The following PIK3R3 variants were observed in gnomAD, a reference collection of about 807,000 sequenced individuals.
The protein encoded by PIK3R3 is phosphatidylinositol 3-kinase regulatory subunit gamma.
PIK3R3 carries 64 observed loss-of-function variants against 62.9 expected under a neutral mutation model. The observed-to-expected ratio is 1.02, with a 90% confidence interval of 0.83 to 1.25. The LOEUF (loss-of-function observed/expected upper bound fraction) is 1.25, where lower values mean the gene tolerates loss of function less well. Ranked by LOEUF, PIK3R3 falls within the 50% of genes most tolerant of loss-of-function variation. The pLI is 0.00. For missense variants in PIK3R3, 614 were observed against 561.6 expected (o/e 1.09, Z -0.94); for synonymous variants, 165 against 189.0 (o/e 0.87, Z 1.04).
In PIK3R3 at chr1:46,043,663, C is replaced by G; in HGVS notation, c.*10G>C. The G allele has an allele frequency of 6.2e-7, 1 of 1,613,156 alleles. No homozygotes were observed. The highest frequency in any genetic ancestry group is 1.7e-5 in the Admixed American group (1 of 60,022). On this transcript the variant is annotated 3_prime_UTR_variant, in exon 10 of 10. Coordinates refer to ENST00000262741, the MANE Select transcript of PIK3R3 (RefSeq NM_003629.4). ...AATGCCAGAGAACCACCTCTCTTCCCACTTCCTCTTTATCTGCAAAGCGAG... is the reference window on the plus strand; with the variant it reads ...AATGCCAGAGAACCACCTCTCTTCCGACTTCCTCTTTATCTGCAAAGCGAG...
Position 46,071,286 on chromosome 1 carries a change from A to T in PIK3R3, c.315-4195T>A, listed in dbSNP as rs538227469. 5.7e-4 allele frequency among the ~76,000 whole-genome samples: 86 copies of T among 152,120 alleles called. 1 individual carries two copies. The highest frequency in any genetic ancestry group is 1.1e-3 in the Non-Finnish European group (73 of 67,982). ...ATATATTTTTTTCCATAAAAATCCC[A>T]TTTATGCATATGGTAGCTTGACTCT... On this transcript the variant is annotated intron_variant, in intron 3 of 9. Coordinates refer to ENST00000262741, the MANE Select transcript of PIK3R3 (RefSeq NM_003629.4).
chr1:46,045,940 C>A lies in PIK3R3; in HGVS notation c.1165G>T (p.Gly389Ter). The A allele has an allele frequency of 6.2e-7, 1 of 1,613,272 alleles. No individual in the cohort carries two copies. The highest frequency in any genetic ancestry group is 8.5e-7 in the Non-Finnish European group (1 of 1,179,556). Residue 389 changes from glycine to a stop codon, truncating the protein, a stop_gained, in exon 9 of 10, where the codon GGA (glycine) becomes TGA (stop). Transcript: ENST00000262741. LOFTEE classifies it high-confidence loss of function. ...AFLIRESSKK[G>*]CYACSVVADG... Reference sequence around the variant, plus strand: ...TACACCACAGAGCAAGCATAGCATCCTTTCTTGCTACTCTCACGAATTAAG... The same window carrying A: ...TACACCACAGAGCAAGCATAGCATCATTTCTTGCTACTCTCACGAATTAAG...
intron 5 of PIK3R3, 28 bp from the exon 6 acceptor site, chr1:46,062,099 G>A: frequency 6.4e-7 from 1 of 1,564,178 alleles, no homozygotes; most frequent in Non-Finnish European, 8.6e-7. Context: ...AAAAAACACA[G>A]GCTTCATTAT....
chr1:46,040,730 G>A lies in PIK3R3; in HGVS notation c.*2943C>T, dbSNP rs1041463984. 1.4e-4 allele frequency: 29 copies of A among 200,174 alleles called. No individual in the cohort carries two copies. In the East Asian group the frequency reaches 2.0e-3, roughly 14 times the overall value. The allele number at this position is 200,174 out of a possible 1,614,324, so 12.4% of individuals were successfully genotyped here. A position where few individuals can be genotyped will look rare whatever the true frequency, so the allele number is the denominator to read the frequency against. On this transcript the variant is annotated 3_prime_UTR_variant, in exon 10 of 10. Coordinates refer to ENST00000262741, the MANE Select transcript of PIK3R3 (RefSeq NM_003629.4). ...ATTACTTGTAGCAAAAAAGAGACCC[G>A]TGGAAGACACATTGGCTCTCAAAGC...
chr1:46,132,949 G>A, upstream of PIK3R3: 2 of 1,148,224 alleles, frequency 1.7e-6, no homozygotes, highest in Non-Finnish European at 2.2e-6. Context: ...CACTCCAGGA[G>A]TCAGTGCCGG....
Position 46,131,994 on chromosome 1 carries a change from A to T in PIK3R3, c.-42T>A, listed in dbSNP as rs1335902860. The stretch of plus-strand genomic sequence containing the variant: ...GGTCGCCAGGAGATATATAGAAGGC[A>T]TATATTTTTTATCTGGTATTTAAAA... On this transcript the variant is annotated 5_prime_UTR_variant, in exon 1 of 10. The change abolishes an upstream ATG in the 5' untranslated region. Coordinates refer to ENST00000262741, the MANE Select transcript of PIK3R3 (RefSeq NM_003629.4). The T allele has an allele frequency of 2.5e-6, 4 of 1,593,076 alleles. No individual in the cohort carries two copies. The African/African-American group carries it at 5.5e-5, about 22-fold the overall frequency.
chr1:46,065,297 G>A (rs543995752), intron 5 of PIK3R3, among the ~76,000 whole-genome samples: 71 of 152,198 alleles, frequency 4.7e-4, no homozygotes, highest in African/African-American at 1.6e-3. Flanking sequence ...GGCCTAAGAA[G>A]TCCTAGGAAA....
At chr1:46,168,904 A>C in the PIK3R3 span, among the ~76,000 whole-genome samples, 1 of 152,068 alleles carries the variant, frequency 6.6e-6, no homozygotes. Flanking sequence ...AACTCCCTGA[A>C]GACCAGTTCA....
chr1:46,170,193 T>C, the PIK3R3 span, among the ~76,000 whole-genome samples: 1 of 152,168 alleles, frequency 6.6e-6, no homozygotes, highest in East Asian at 1.9e-4. Flanking sequence ...TACTAACCTT[T>C]GGAAGGAAAT....
At chr1:46,121,328 T>C (rs1022052306) in intron 1 of PIK3R3, among the ~76,000 whole-genome samples, 2 of 152,178 alleles carry the variant, frequency 1.3e-5, no homozygotes, top group African/African-American at 2.4e-5. Flanking sequence ...AGTGACCCTG[T>C]TGTAAAAAGG....
At chr1:46,075,287 A>G (rs564031820) in intron 3 of PIK3R3, among the ~76,000 whole-genome samples, 26 of 152,168 alleles carry the variant, frequency 1.7e-4, no homozygotes, top group African/African-American at 6.0e-4. Flanking sequence ...AATTCCGGGA[A>G]CCCCAAAATT....
chr1:46,119,994 A>G (rs1485027811), intron 1 of PIK3R3, among the ~76,000 whole-genome samples: 1 of 151,914 alleles, frequency 6.6e-6, no homozygotes, highest in Non-Finnish European at 1.5e-5. Context: ...CCCAGTCTGG[A>G]CGGCTCCTAA....
At chr1:46,107,460 A>G (rs751664229) in intron 1 of PIK3R3, among the ~76,000 whole-genome samples, 7 of 151,628 alleles carry the variant, frequency 4.6e-5, no homozygotes, top group Non-Finnish European at 8.8e-5. Flanking sequence ...TAATATGGAA[A>G]GGAATAAATC....
chr1:46,098,017 C>T (rs1234805360), intron 1 of PIK3R3, among the ~76,000 whole-genome samples: 1 of 151,440 alleles, frequency 6.6e-6, no homozygotes, highest in East Asian at 1.9e-4. Context: ...ACTCAAAAAA[C>T]TACTAAAGCT....
intron 1 of PIK3R3, among the ~76,000 whole-genome samples, chr1:46,126,687 G>A (rs1471669344): frequency 6.6e-6 from 1 of 151,768 alleles, no homozygotes; most frequent in African/African-American, 2.4e-5. Flanking sequence ...AGGCATGGTG[G>A]CGCAGAGGGA....
rs113571061 is a variant in PIK3R3 at position 46,052,722 on chromosome 1, A to AT, written c.941+3072dup. 6.6e-5 allele frequency among the ~76,000 whole-genome samples: 10 copies of AT among 152,112 alleles called. 1 individual carries two copies. The highest frequency in any genetic ancestry group is 1.9e-4 in the African/African-American group (8 of 41,484). ...CCAGTAAATGGAATAATATCCTAGA[A>AT]TTTTTTTTCTATATTTAAGCAATGA... On this transcript the variant is annotated intron_variant, in intron 7 of 9. Transcript: ENST00000262741.
chr1:46,047,441 A>AT (rs1647144668), intron 7 of PIK3R3, among the ~76,000 whole-genome samples: 1 of 135,070 alleles, frequency 7.4e-6, no homozygotes. Flanking sequence ...CCATCTCAAA[A>AT]AAAAAAAAAA....
chr1:46,163,512 T>A, the PIK3R3 span, among the ~76,000 whole-genome samples: 1 of 152,160 alleles, frequency 6.6e-6, no homozygotes, highest in Non-Finnish European at 1.5e-5. Flanking sequence ...GACAAAAAGG[T>A]CTCCCTCACT....
At chr1:46,105,336 C>A (rs1348779771) in intron 1 of PIK3R3, among the ~76,000 whole-genome samples, 3 of 152,092 alleles carry the variant, frequency 2.0e-5, no homozygotes, top group Non-Finnish European at 4.4e-5. Flanking sequence ...CCCGTCTCTA[C>A]TAAAAATACA....
Sources: allele counts gnomAD v4.1 joint callset (sites outside exome capture counted in the v4.1 genomes callset), GRCh38; gene constraint gnomAD v4.1.1; transcripts MANE v1.5; gene names NCBI Gene and HGNC (gene_info 2026-07-23, HGNC 2026-07-21).